The following XIRP2 variants were observed in gnomAD, a reference collection of about 807,000 sequenced individuals.
XIRP2 encodes the protein xin actin-binding repeat-containing protein 2.
Under a neutral mutation model 277.0 loss-of-function variants are expected in XIRP2, and 236 were observed. The observed-to-expected ratio is 0.85, with a 90% confidence interval of 0.77 to 0.95. XIRP2 has a LOEUF of 0.95. XIRP2 is among the 40% of genes least tolerant of loss of function. The pLI is 0.00. For missense variants in XIRP2, 4,640 were observed against 4,157.5 expected, an observed-to-expected ratio of 1.12 and a Z score of -3.19; for synonymous variants, 1,490 against 1,416.5, an observed-to-expected ratio of 1.05 and a Z score of -1.17.
rs111796420 is a variant in XIRP2, at chr2:166,933,153, AT to A, written c.408+29276del. ...TGGAATAAATTAAACTTATATATCA[AT>A]TTTTTTTTTTTTGAGACAGAGACTT... On this transcript the variant is annotated intron_variant, in intron 2 of 10. Transcript: ENST00000409195. Among the ~76,000 whole-genome samples, 532 of 144,342 alleles carry A rather than the reference AT, an allele frequency of 3.7e-3. 2 individuals carry two copies. Among genetic ancestry groups the A allele is most frequent in the African/African-American group, 4.8e-3 (188 of 39,572 alleles). 94.7% of individuals were successfully genotyped at this position (144,342 alleles called of 152,430 possible).
chr2:167,130,283 C>A (rs1305487923), intron 2 of XIRP2, among the ~76,000 whole-genome samples: 2 of 152,148 alleles, frequency 1.3e-5, no homozygotes, highest in East Asian at 1.9e-4. Flanking sequence ...ACCTTCCCCA[C>A]CAACCACCAA....
chr2:167,011,927 A>G (rs1687690494), intron 2 of XIRP2, among the ~76,000 whole-genome samples: 1 of 151,964 alleles, frequency 6.6e-6, no homozygotes, highest in Admixed American at 6.6e-5. Context: ...TATTCCCTTT[A>G]TCATTTTTTA....
intron 3 of XIRP2, among the ~76,000 whole-genome samples, chr2:167,199,187 G>A (rs1693606078): frequency 6.6e-6 from 1 of 152,116 alleles, no homozygotes. Context: ...GGATGAAGGT[G>A]AAGAGAGGAA....
intron 5 of XIRP2, among the ~76,000 whole-genome samples, chr2:167,224,564 A>G (rs1189338783): frequency 6.6e-6 from 1 of 152,242 alleles, no homozygotes; most frequent in East Asian, 1.9e-4. Flanking sequence ...GCATTTCAAC[A>G]TGAATTTTGA....
intron 1 of XIRP2, among the ~76,000 whole-genome samples, chr2:166,896,715 T>C (rs767174210): frequency 1.3e-5 from 2 of 152,162 alleles, no homozygotes; most frequent in Non-Finnish European, 2.9e-5. Context: ...TATGTATATA[T>C]AATGTTTATA....
chr2:167,259,313 A>G lies in XIRP2; in HGVS notation c.*1496A>G, dbSNP rs756188847. The stretch of plus-strand genomic sequence containing the variant: ...AGTGGAGGTGCAGTCAGAACAACTC[A>G]CGGTGGAAGAGCAGATTAAAAGAAA... On this transcript the variant is annotated 3_prime_UTR_variant, in exon 11 of 11. Transcript: ENST00000409195. 4 of 1,612,404 alleles carry G rather than the reference A, an allele frequency of 2.5e-6. No individual in the cohort carries two copies. The South Asian group carries it at 3.3e-5, about 13-fold the overall frequency.
chr2:167,222,628 AG>A, intron 5 of XIRP2, among the ~76,000 whole-genome samples: 1 of 152,322 alleles, frequency 6.6e-6, no homozygotes, highest in South Asian at 2.1e-4. Context: ...TAGAATGAAA[AG>A]GACAACTTGA....
chr2:167,094,858 C>T (rs7589167), intron 2 of XIRP2, among the ~76,000 whole-genome samples: 44,439 of 151,988 alleles, frequency 0.29, 9,170 homozygotes, highest in African/African-American at 0.59. Context: ...GTGAAGGAAG[C>T]CAATTGTAGC....
At chr2:166,896,933 C>T (rs1321931582) in intron 1 of XIRP2, among the ~76,000 whole-genome samples, 4 of 152,144 alleles carry the variant, frequency 2.6e-5, no homozygotes, top group Non-Finnish European at 5.9e-5. Flanking sequence ...CTGCCTGCAG[C>T]ATTCAGTACA....
intron 2 of XIRP2, among the ~76,000 whole-genome samples, chr2:167,081,504 A>G (rs1236032991): frequency 6.6e-6 from 1 of 152,166 alleles, no homozygotes; most frequent in African/African-American, 2.4e-5. Flanking sequence ...AAAGGAATAC[A>G]TATTACATGA....
intron 2 of XIRP2, among the ~76,000 whole-genome samples, chr2:166,913,910 CAAGT>C (rs1684787820): frequency 1.3e-5 from 2 of 152,136 alleles, no homozygotes; most frequent in South Asian, 4.1e-4. Context: ...CACTTAGATT[CAAGT>C]AAGTGACTAC....
intron 2 of XIRP2, among the ~76,000 whole-genome samples, chr2:167,084,126 A>G (rs1689843333): frequency 6.6e-6 from 1 of 152,100 alleles, no homozygotes; most frequent in Admixed American, 6.6e-5. Flanking sequence ...TCAATACCTA[A>G]TTTATTGAGA....
chr2:167,040,224 C>T (rs1167526170), intron 2 of XIRP2, among the ~76,000 whole-genome samples: 1 of 151,008 alleles, frequency 6.6e-6, no homozygotes, highest in Non-Finnish European at 1.5e-5. Flanking sequence ...CACCATGAGA[C>T]CAGACCATCA....
chr2:167,023,266 T>C (rs1688041224), intron 2 of XIRP2, among the ~76,000 whole-genome samples: 2 of 152,290 alleles, frequency 1.3e-5, no homozygotes, highest in East Asian at 1.9e-4. Flanking sequence ...TTGAGAAGTG[T>C]CTGTTCATGT....
rs182641715 is a variant in XIRP2 at position 167,032,989 on chromosome 2, G to A, written c.409-102920G>A. On this transcript the variant is annotated intron_variant, in intron 2 of 10. Transcript: ENST00000409195. ...AAATCATTCTACCATAAAGACACATGCACACATGTGTTTACTGCAGCACTA... is the reference window on the plus strand; with the variant it reads ...AAATCATTCTACCATAAAGACACATACACACATGTGTTTACTGCAGCACTA... 7.2e-5 allele frequency among the ~76,000 whole-genome samples: 11 copies of A among 152,206 alleles called. No individual in the cohort carries two copies. In the East Asian group the frequency reaches 2.1e-3, roughly 29 times the overall value.
At chr2:166,953,214 G>T (rs1362439633) in intron 2 of XIRP2, among the ~76,000 whole-genome samples, 2 of 151,846 alleles carry the variant, frequency 1.3e-5, no homozygotes, top group Non-Finnish European at 2.9e-5. Context: ...TACCACTATT[G>T]TGTTGATATG....
At chr2:167,122,160 C>T (rs184222647) in intron 2 of XIRP2, among the ~76,000 whole-genome samples, 4 of 152,294 alleles carry the variant, frequency 2.6e-5, no homozygotes, top group African/African-American at 9.6e-5. Context: ...AGCTCTTCCC[C>T]TCCCTGAACA....
intron 2 of XIRP2, among the ~76,000 whole-genome samples, chr2:167,087,920 G>T (rs1184301090): frequency 2.0e-5 from 3 of 152,138 alleles, no homozygotes; most frequent in Non-Finnish European, 4.4e-5. Flanking sequence ...CTCACGCTGG[G>T]AGCTGTAGAC....
chr2:167,120,186 C>T (rs1264601821), intron 2 of XIRP2, among the ~76,000 whole-genome samples: 2 of 152,078 alleles, frequency 1.3e-5, no homozygotes, highest in African/African-American at 2.4e-5. Context: ...AAATACGAGG[C>T]CCTTTCTGCA....
Sources: allele counts gnomAD v4.1 joint callset (sites outside exome capture counted in the v4.1 genomes callset), GRCh38; gene constraint gnomAD v4.1.1; transcripts MANE v1.5; gene names NCBI Gene and HGNC (gene_info 2026-07-23, HGNC 2026-07-21).